The following SIPA1L1 variants were observed in gnomAD, a reference collection of about 807,000 sequenced individuals.
SIPA1L1 encodes the protein signal-induced proliferation-associated 1-like protein 1.
In SIPA1L1, 26 loss-of-function variants were observed where a neutral mutation model predicts 162.7. The ratio of observed to expected loss-of-function variants is 0.16; its 90% confidence interval spans 0.12 to 0.22. The LOEUF (loss-of-function observed/expected upper bound fraction) is 0.22. Ranked by LOEUF, SIPA1L1 falls within the 10% of genes least tolerant of loss-of-function variation. The probability of loss-of-function intolerance (pLI) is 1.00; values close to 1 mark genes in which losing one functional copy is unlikely to be tolerated. For missense variants in SIPA1L1, 1,874 were observed against 2,241.0 expected (o/e 0.84, Z 3.31); for synonymous variants, 829 against 837.4 (o/e 0.99, Z 0.17).
intron 4 of SIPA1L1, among the ~76,000 whole-genome samples, chr14:71,561,068 T>C (rs1350710320): frequency 1.3e-5 from 2 of 152,230 alleles, no homozygotes; most frequent in African/African-American, 4.8e-5. Context: ...AGAGTTCTTT[T>C]TAGTAGCTCT....
intron 2 of SIPA1L1, among the ~76,000 whole-genome samples, chr14:71,359,468 T>C (rs1483030200): frequency 6.6e-6 from 1 of 152,232 alleles, no homozygotes; most frequent in East Asian, 1.9e-4. Context: ...TTTCTATTTA[T>C]GGTGTGTCAT....
intron 4 of SIPA1L1, among the ~76,000 whole-genome samples, chr14:71,584,899 G>C (rs749711085): frequency 7.9e-5 from 12 of 152,168 alleles, no homozygotes; most frequent in Non-Finnish European, 1.6e-4. Flanking sequence ...ACTTAGGCAG[G>C]TTTGCTGATA....
chr14:71,699,256 G>T, intron 14 of SIPA1L1, 129 bp downstream of exon 14: 2 of 898,362 alleles, frequency 2.2e-6, no homozygotes, highest in Non-Finnish European at 3.4e-6. Flanking sequence ...AAGAGAAAAC[G>T]TAGTTAATAA....
At chr14:71,496,796 C>T (rs2049821342) in intron 2 of SIPA1L1, among the ~76,000 whole-genome samples, 1 of 152,176 alleles carries the variant, frequency 6.6e-6, no homozygotes, top group African/African-American at 2.4e-5. Flanking sequence ...TTATATTTCA[C>T]TGATGACCCT....
intron 2 of SIPA1L1, among the ~76,000 whole-genome samples, chr14:71,419,903 C>T (rs994091641): frequency 8.5e-5 from 13 of 152,102 alleles, no homozygotes; most frequent in African/African-American, 2.9e-4. Context: ...CACCTGTAGT[C>T]CCAGCTACTT....
At chr14:71,428,670 G>C (rs2043762878) in intron 2 of SIPA1L1, among the ~76,000 whole-genome samples, 2 of 152,178 alleles carry the variant, frequency 1.3e-5, no homozygotes, top group East Asian at 3.9e-4. Context: ...AAAAGGAGGG[G>C]CTTCCTGCAA....
intron 22 of SIPA1L1, among the ~76,000 whole-genome samples, chr14:71,737,914 A>T (rs991704748): frequency 6.6e-6 from 1 of 152,110 alleles, no homozygotes; most frequent in Non-Finnish European, 1.5e-5. Flanking sequence ...TTACTGTTTG[A>T]CAATTATATC....
intron 4 of SIPA1L1, among the ~76,000 whole-genome samples, chr14:71,556,060 A>G (rs1261237422): frequency 6.6e-6 from 1 of 152,216 alleles, no homozygotes; most frequent in Non-Finnish European, 1.5e-5. Context: ...GAAAAATAGC[A>G]CTGACAGACT....
intron 8 of SIPA1L1, among the ~76,000 whole-genome samples, chr14:71,656,647 G>T: frequency 6.6e-6 from 1 of 152,114 alleles, no homozygotes; most frequent in South Asian, 2.1e-4. Context: ...AGTAGTCTTT[G>T]CTTTGTTCTA....
intron 2 of SIPA1L1, among the ~76,000 whole-genome samples, chr14:71,428,109 C>T (rs1473242575): frequency 1.3e-5 from 2 of 151,964 alleles, no homozygotes; most frequent in Non-Finnish European, 2.9e-5. Context: ...TCTCCTGCCT[C>T]AGCCTCCCAA....
chr14:71,414,831 A>G lies in SIPA1L1; in HGVS notation c.-465+93650A>G, dbSNP rs184309177. Among the ~76,000 whole-genome samples the G allele has an allele frequency of 3.3e-3, 495 of 152,286 alleles. 6 individuals are homozygous for G. Among genetic ancestry groups the G allele is most frequent in the Non-Finnish European group, 2.4e-3 (161 of 68,016 alleles). ...GACGTATACTGGTATATGCATTACT[A>G]TTGCTCTTCGAGTGACTGTACTGGC... On this transcript the variant is annotated intron_variant, in intron 2 of 23. Transcript: ENST00000381232.
At chr14:71,451,851 A>G (rs181546264) in intron 2 of SIPA1L1, among the ~76,000 whole-genome samples, 3 of 152,182 alleles carry the variant, frequency 2.0e-5, no homozygotes, top group East Asian at 1.9e-4. Context: ...AACACATACA[A>G]TTTTTACTTG....
intron 2 of SIPA1L1, among the ~76,000 whole-genome samples, chr14:71,487,660 T>C (rs1418647735): frequency 3.3e-5 from 5 of 152,182 alleles, no homozygotes; most frequent in Non-Finnish European, 5.9e-5. Context: ...TGCTCAGCTC[T>C]TGGGGACATG....
intron 2 of SIPA1L1, among the ~76,000 whole-genome samples, chr14:71,505,116 TA>T (rs1325227037): frequency 6.6e-6 from 1 of 152,322 alleles, no homozygotes; most frequent in East Asian, 1.9e-4. Context: ...TTTTGTAGTT[TA>T]AAAAACTTTT....
intron 2 of SIPA1L1, among the ~76,000 whole-genome samples, chr14:71,340,857 T>A (rs1311825561): frequency 2.0e-5 from 3 of 152,154 alleles, no homozygotes; most frequent in Non-Finnish European, 4.4e-5. Flanking sequence ...GAGACTTGCT[T>A]GAACCCGGGA....
chr14:71,473,925 GA>G (rs2047659446), intron 2 of SIPA1L1, among the ~76,000 whole-genome samples: 1 of 152,166 alleles, frequency 6.6e-6, no homozygotes, highest in African/African-American at 2.4e-5. Flanking sequence ...TTGAAACTGG[GA>G]ACCTTGCTCA....
chr14:71,368,056 C>T (rs553674616), intron 2 of SIPA1L1, among the ~76,000 whole-genome samples: 10 of 149,710 alleles, frequency 6.7e-5, no homozygotes, highest in African/African-American at 2.0e-4. Context: ...TAGACTTTTT[C>T]GTTGTTGTTA....
chr14:71,727,867 C>A (rs1566747053), intron 19 of SIPA1L1, among the ~76,000 whole-genome samples: 1 of 152,210 alleles, frequency 6.6e-6, no homozygotes, highest in Non-Finnish European at 1.5e-5. Context: ...GTTCTCCTAC[C>A]TTTTAATGAG....
intron 2 of SIPA1L1, among the ~76,000 whole-genome samples, chr14:71,361,336 A>G (rs1431876221): frequency 1.3e-5 from 2 of 152,024 alleles, no homozygotes; most frequent in African/African-American, 4.8e-5. Context: ...GTAATGGGGT[A>G]TTGGGTCTTT....
Sources: allele counts gnomAD v4.1 joint callset (sites outside exome capture counted in the v4.1 genomes callset), GRCh38; gene constraint gnomAD v4.1.1; transcripts MANE v1.5; gene names NCBI Gene and HGNC (gene_info 2026-07-23, HGNC 2026-07-21).